The following CUX1 variants were observed in gnomAD, a reference collection of about 807,000 sequenced individuals.
The protein encoded by CUX1 is protein CASP.
In CUX1, 31 loss-of-function variants were observed where a neutral mutation model predicts 158.8. The observed-to-expected ratio is 0.20, with a 90% CI of 0.15 to 0.26. CUX1 has a LOEUF of 0.26. Ranked by LOEUF, CUX1 falls within the 10% of genes least tolerant of loss-of-function variation. The pLI is 1.00. For missense variants in CUX1, 1,589 were observed against 2,014.6 expected, an observed-to-expected ratio of 0.79 and a Z score of 4.04; for synonymous variants, 879 against 862.1, an observed-to-expected ratio of 1.02 and a Z score of -0.34.
chr7:101,908,063 A>C (rs193012848), intron 1 of CUX1, among the ~76,000 whole-genome samples: 2 of 152,202 alleles, frequency 1.3e-5, no homozygotes, highest in South Asian at 4.1e-4. Flanking sequence ...CCCACCCCCA[A>C]GTGAGTGCCC....
At position 102,250,702 on chromosome 7, in the gene CUX1, A is replaced by G; in HGVS notation, c.*1660A>G. The G allele has an allele frequency of 1.0e-6, 1 of 985,398 alleles. No individual in the cohort carries two copies. Among genetic ancestry groups the G allele is most frequent in the Non-Finnish European group, 1.2e-6 (1 of 829,926 alleles). 61.0% of individuals were successfully genotyped at this position (985,398 alleles called of 1,614,324 possible). ...TGCACAGTTTTAGGGCAGTCTAAGT[A>G]CAAACTGAAAGTCTAACTTGTCTCT... On this transcript the variant is annotated 3_prime_UTR_variant, in exon 24 of 24. Transcript: ENST00000292535.
chr7:102,177,379 A>G (rs1308052433), intron 10 of CUX1, among the ~76,000 whole-genome samples: 1 of 150,194 alleles, frequency 6.7e-6, no homozygotes, highest in African/African-American at 2.5e-5. Context: ...GCGCCACTGC[A>G]CTCCAGCCTG....
chr7:101,872,477 A>AT (rs1481060007), intron 1 of CUX1, among the ~76,000 whole-genome samples: 2 of 151,630 alleles, frequency 1.3e-5, no homozygotes, highest in African/African-American at 4.8e-5. Context: ...TAAAGTGATT[A>AT]TTTTGGAGGT....
chr7:102,218,499 C>T (rs574446982), intron 20 of CUX1, among the ~76,000 whole-genome samples: 1 of 152,156 alleles, frequency 6.6e-6, no homozygotes, highest in African/African-American at 2.4e-5. Context: ...GCCTGGGCAA[C>T]ATAGTGAGAC....
intron 1 of CUX1, among the ~76,000 whole-genome samples, chr7:101,821,399 C>T (rs1186740552): frequency 2.0e-5 from 3 of 150,626 alleles, no homozygotes; most frequent in Non-Finnish European, 4.4e-5. Context: ...AGTGCAGAGG[C>T]ACTATCTCAG....
chr7:102,197,529 A>G (rs913915712), intron 15 of CUX1, among the ~76,000 whole-genome samples: 1 of 152,216 alleles, frequency 6.6e-6, no homozygotes. Context: ...TCAGCACTCC[A>G]TACTTAGGAA....
Position 102,249,069 on chromosome 7 carries a change from C to A in CUX1, c.*27C>A. The A allele has an allele frequency of 7.9e-7, 1 of 1,260,260 alleles. No individual in the cohort carries two copies. Among genetic ancestry groups the A allele is most frequent in the South Asian group, 2.5e-5 (1 of 40,428 alleles). The allele number at this position is 1,260,260 out of a possible 1,614,324, so 78.1% of individuals were successfully genotyped here. ...GGGCCGCGGCCCTGGGGCGGGCAGC[C>A]AGGCTGGGCCGCAAGGGCCTGGACG... On this transcript the variant is annotated 3_prime_UTR_variant, in exon 24 of 24. Coordinates refer to ENST00000292535, the MANE Select transcript of CUX1 (RefSeq NM_181552.4).
intron 19 of CUX1, among the ~76,000 whole-genome samples, chr7:102,280,450 G>A (rs1586540075): frequency 2.0e-5 from 3 of 152,322 alleles, no homozygotes; most frequent in Middle Eastern, 6.8e-3. Context: ...AGGCAGACAA[G>A]GAAAAACCAG....
intron 1 of CUX1, among the ~76,000 whole-genome samples, chr7:101,905,530 T>C (rs548430116): frequency 1.3e-5 from 2 of 152,308 alleles, no homozygotes; most frequent in Admixed American, 1.3e-4. Flanking sequence ...TTCAGTACCC[T>C]TCCCTCCACA....
intron 22 of CUX1, among the ~76,000 whole-genome samples, chr7:102,237,022 C>A (rs1466528760): frequency 7.9e-5 from 12 of 152,170 alleles, no homozygotes; most frequent in Non-Finnish European, 7.4e-5. Context: ...CCTTCTCCAG[C>A]CCCCTGCCAG....
At chr7:101,841,866 A>G (rs1332313878) in intron 1 of CUX1, among the ~76,000 whole-genome samples, 1 of 152,054 alleles carries the variant, frequency 6.6e-6, no homozygotes, top group Non-Finnish European at 1.5e-5. Context: ...GGCCTTGAAT[A>G]CTCAGCTTTT....
At chr7:101,926,138 G>A (rs1805563341) in intron 2 of CUX1, among the ~76,000 whole-genome samples, 1 of 152,096 alleles carries the variant, frequency 6.6e-6, no homozygotes, top group Non-Finnish European at 1.5e-5. Flanking sequence ...GTCTACTCCA[G>A]GATTTGGCAA....
chr7:102,243,055 C>T (rs781942096), intron 23 of CUX1, among the ~76,000 whole-genome samples: 3 of 152,072 alleles, frequency 2.0e-5, no homozygotes, highest in Non-Finnish European at 4.4e-5. Context: ...GGGTGGATCA[C>T]TTGAGGCCAG....
chr7:102,171,553 T>C (rs1479589390), intron 10 of CUX1, among the ~76,000 whole-genome samples: 3 of 151,330 alleles, frequency 2.0e-5, no homozygotes, highest in Non-Finnish European at 4.4e-5. Context: ...GCTCAAGGGA[T>C]CCTCCCAGCT....
At chr7:102,262,926 C>T (rs781846220), downstream of CUX1, among the ~76,000 whole-genome samples, 3 of 151,132 alleles carry the variant, frequency 2.0e-5, no homozygotes, top group African/African-American at 4.9e-5. Flanking sequence ...AGACAGTAGA[C>T]GTAATAAATA....
chr7:101,852,762 C>T (rs1036432140), intron 1 of CUX1, among the ~76,000 whole-genome samples: 2 of 146,756 alleles, frequency 1.4e-5, no homozygotes, highest in African/African-American at 5.0e-5. Context: ...CTGCAACCTC[C>T]ACCTCCTGGG....
intron 8 of CUX1, among the ~76,000 whole-genome samples, chr7:102,131,984 A>C (rs888261942): frequency 5.9e-5 from 9 of 152,048 alleles, no homozygotes; most frequent in African/African-American, 2.2e-4. Flanking sequence ...GATGTTTAAA[A>C]CATTTAAATG....
intron 2 of CUX1, among the ~76,000 whole-genome samples, chr7:101,996,269 A>G (rs1815870178): frequency 6.6e-6 from 1 of 150,994 alleles, no homozygotes; most frequent in Admixed American, 6.6e-5. Flanking sequence ...TTCCTGTGTC[A>G]CCATCCTCTG....
chr7:102,227,473 C>T lies in CUX1; in HGVS notation c.3237C>T (p.Pro1079=). 4.3e-6 allele frequency: 7 copies of T among 1,614,094 alleles called. No homozygotes were observed. The highest frequency in any genetic ancestry group is 5.9e-6 in the Non-Finnish European group (7 of 1,180,028). Reference sequence around the variant, plus strand: ...CCGAGCTGGTCCAGCAGCCCTGTCCCCCCATCGAGGCGAGCAAGGACAGCA... The same window carrying T: ...CCGAGCTGGTCCAGCAGCCCTGTCCTCCCATCGAGGCGAGCAAGGACAGCA... ...SLTELVQQPC[P]PIEASKDSKP... Residue 1079 remains proline (P), a synonymous_variant, in exon 21 of 24, where the codon CCC becomes CCT. Coordinates refer to ENST00000292535, the MANE Select transcript of CUX1 (RefSeq NM_181552.4).
Sources: gnomAD v4.1 joint callset for allele counts (sites outside exome capture counted in the v4.1 genomes callset) on GRCh38, gnomAD v4.1.1 for gene constraint, MANE v1.5 for transcripts, NCBI Gene and HGNC (gene_info 2026-07-23, HGNC 2026-07-21) for gene names.